Variants in GPR158 observed in about 807,000 individuals in gnomAD.
GPR158 encodes the protein metabotropic glycine receptor.
Under a neutral mutation model 78.2 loss-of-function variants are expected in GPR158, and 30 were observed. The ratio of observed to expected loss-of-function variants is 0.38; its 90% CI spans 0.29 to 0.52. The LOEUF (loss-of-function observed/expected upper bound fraction) is 0.52. GPR158 is among the 20% of genes least tolerant of loss of function. GPR158 has a pLI of 0.83. For synonymous variants in GPR158, 581 were observed against 591.1 expected, an observed-to-expected ratio of 0.98 and a Z score of 0.25; for missense variants, 1,463 against 1,523.5, an observed-to-expected ratio of 0.96 and a Z score of 0.66.
At chr10:25,472,801 T>C (rs1232522634) in intron 5 of GPR158, among the ~76,000 whole-genome samples, 1 of 152,234 alleles carries the variant, frequency 6.6e-6, no homozygotes, top group Non-Finnish European at 1.5e-5. Flanking sequence ...TGCACATTGA[T>C]TTTGTATCCT....
At chr10:25,298,649 A>C (rs74365807) in intron 2 of GPR158, among the ~76,000 whole-genome samples, 3 of 152,280 alleles carry the variant, frequency 2.0e-5, no homozygotes, top group Non-Finnish European at 4.4e-5. Flanking sequence ...GGGTTGTTCA[A>C]ATTTTTGCAT....
At chr10:25,205,353 C>G (rs1853009925) in intron 1 of GPR158, among the ~76,000 whole-genome samples, 1 of 122,786 alleles carries the variant, frequency 8.1e-6, no homozygotes, top group African/African-American at 3.0e-5. Context: ...ATTCATTGAT[C>G]TTTTGAATAG....
chr10:25,522,659 A>G (rs1231859194), intron 5 of GPR158, among the ~76,000 whole-genome samples: 1 of 152,376 alleles, frequency 6.6e-6, no homozygotes, highest in South Asian at 2.1e-4. Flanking sequence ...ACAAGTTTGA[A>G]AACTCACAAA....
intron 2 of GPR158, among the ~76,000 whole-genome samples, chr10:25,327,251 A>AACACACACACACACAC (rs141069877): frequency 1.3e-5 from 2 of 149,078 alleles, no homozygotes; most frequent in African/African-American, 4.9e-5. Flanking sequence ...GACACTTACA[A>AACACACACACACACAC]ACACACACAC....
intron 2 of GPR158, among the ~76,000 whole-genome samples, chr10:25,309,398 C>G (rs1021277835): frequency 1.1e-4 from 16 of 140,382 alleles, no homozygotes; most frequent in African/African-American, 4.5e-4. Flanking sequence ...CTTTTGAATT[C>G]AGTTTTTTTT....
intron 5 of GPR158, among the ~76,000 whole-genome samples, chr10:25,533,686 G>A (rs927313403): frequency 2.6e-5 from 4 of 152,066 alleles, no homozygotes; most frequent in African/African-American, 7.2e-5. Context: ...TCACTTCATT[G>A]AACAAATTGG....
chr10:25,531,681 C>T (rs1282110677), intron 5 of GPR158, among the ~76,000 whole-genome samples: 1 of 152,134 alleles, frequency 6.6e-6, no homozygotes, highest in Non-Finnish European at 1.5e-5. Flanking sequence ...GGTAGGATCA[C>T]CTCATGCTCG....
At chr10:25,183,748 A>G (rs1852645021) in intron 1 of GPR158, among the ~76,000 whole-genome samples, 1 of 152,220 alleles carries the variant, frequency 6.6e-6, no homozygotes, top group South Asian at 2.1e-4. Flanking sequence ...AGAGTTATGT[A>G]AGGTTTTGGT....
intron 1 of GPR158, among the ~76,000 whole-genome samples, chr10:25,187,332 A>C (rs1852702900): frequency 6.6e-6 from 1 of 152,192 alleles, no homozygotes; most frequent in African/African-American, 2.4e-5. Flanking sequence ...ACAATAAAAA[A>C]AGAGAATTTT....
At chr10:25,411,089 T>A (rs1834577843) in intron 3 of GPR158, among the ~76,000 whole-genome samples, 1 of 151,672 alleles carries the variant, frequency 6.6e-6, no homozygotes, top group African/African-American at 2.4e-5. Flanking sequence ...GAAATAGTTG[T>A]TTCTGTTTTG....
intron 2 of GPR158, among the ~76,000 whole-genome samples, chr10:25,313,516 A>G (rs1487897336): frequency 6.6e-6 from 1 of 152,050 alleles, no homozygotes; most frequent in East Asian, 1.9e-4. Flanking sequence ...ATATATTTTA[A>G]TTCTTGCTTT....
chr10:25,227,231 T>TA (rs2130690329), intron 2 of GPR158, among the ~76,000 whole-genome samples: 1 of 152,348 alleles, frequency 6.6e-6, no homozygotes, highest in South Asian at 2.1e-4. Flanking sequence ...CTGGCTGTTT[T>TA]AGATGTTCCC....
chr10:25,429,087 G>C (rs1002339195), intron 4 of GPR158, among the ~76,000 whole-genome samples: 1 of 151,970 alleles, frequency 6.6e-6, no homozygotes, highest in African/African-American at 2.4e-5. Context: ...TTCTACAGAG[G>C]ATGAAATACT....
intron 2 of GPR158, among the ~76,000 whole-genome samples, chr10:25,297,303 T>C (rs950595239): frequency 2.0e-5 from 3 of 152,222 alleles, no homozygotes; most frequent in African/African-American, 7.2e-5. Context: ...GAGAATAAAC[T>C]TGTAGCCTGA....
At chr10:25,482,422 A>G (rs1046051591) in intron 5 of GPR158, among the ~76,000 whole-genome samples, 4 of 151,998 alleles carry the variant, frequency 2.6e-5, no homozygotes, top group African/African-American at 7.3e-5. Flanking sequence ...GCCTTATGTA[A>G]TCCTCTCACC....
chr10:25,333,143 T>G (rs1302200712), intron 2 of GPR158, among the ~76,000 whole-genome samples: 1 of 152,202 alleles, frequency 6.6e-6, no homozygotes, highest in Admixed American at 6.5e-5. Context: ...TAACTTGGGC[T>G]TGGCTGTAGA....
intron 4 of GPR158, among the ~76,000 whole-genome samples, chr10:25,451,280 C>G (rs1835212549): frequency 6.6e-6 from 1 of 152,138 alleles, no homozygotes; most frequent in African/African-American, 2.4e-5. Context: ...GTGTGTATTT[C>G]CATTAGCATG....
chr10:25,542,164 A>G (rs886117722), intron 5 of GPR158, among the ~76,000 whole-genome samples: 20 of 151,950 alleles, frequency 1.3e-4, no homozygotes, highest in Admixed American at 2.6e-4. Context: ...CACACTCTCT[A>G]CTAACAGAAA....
intron 5 of GPR158, among the ~76,000 whole-genome samples, chr10:25,515,059 A>G (rs4747525): frequency 0.4 from 61,181 of 151,866 alleles, 12,474 homozygotes; most frequent in East Asian, 0.49. Flanking sequence ...GGATGTCTAG[A>G]TCTCTAACAA....
Sources: allele counts gnomAD v4.1 joint callset (sites outside exome capture counted in the v4.1 genomes callset), GRCh38; gene constraint gnomAD v4.1.1; transcripts MANE v1.5; gene names NCBI Gene and HGNC (gene_info 2026-07-23, HGNC 2026-07-21).